The following NTRK3 variants were observed in gnomAD, a reference collection of about 807,000 sequenced individuals.
The protein encoded by NTRK3 is neurotrophic receptor tyrosine kinase 3.
Under a neutral mutation model 91.7 loss-of-function variants are expected in NTRK3, and 24 were observed. The observed-to-expected ratio is 0.26, with a 90% CI of 0.19 to 0.37. The LOEUF (loss-of-function observed/expected upper bound fraction) is 0.37. Among genes scored for constraint, NTRK3 ranks in the 10% least tolerant of loss-of-function variants. The probability of loss-of-function intolerance (pLI) is 1.00; values close to 1 mark genes in which losing one functional copy is unlikely to be tolerated. For synonymous variants in NTRK3, 483 were observed against 404.0 expected, an observed-to-expected ratio of 1.20 and a Z score of -2.34; for missense variants, 880 against 1,068.9, an observed-to-expected ratio of 0.82 and a Z score of 2.46.
intron 3 of NTRK3, among the ~76,000 whole-genome samples, chr15:88,206,967 GGCCCA>G (rs1191203854): frequency 6.6e-6 from 1 of 152,166 alleles, no homozygotes; most frequent in Non-Finnish European, 1.5e-5. Flanking sequence ...GGGACCCCCA[GGCCCA>G]GGCTTGGTCA....
At chr15:88,106,562 G>C (rs1416172785) in intron 13 of NTRK3, among the ~76,000 whole-genome samples, 1 of 152,186 alleles carries the variant, frequency 6.6e-6, no homozygotes, top group Non-Finnish European at 1.5e-5. Context: ...TTAAGAAAGA[G>C]TGTTGTGTGA....
chr15:87,940,129 C>A (rs1261987535), intron 15 of NTRK3, among the ~76,000 whole-genome samples: 1 of 151,956 alleles, frequency 6.6e-6, no homozygotes, highest in Admixed American at 6.6e-5. Flanking sequence ...CCAGTGCTAA[C>A]CCCCTACCTC....
chr15:87,957,722 T>C (rs950830973), intron 14 of NTRK3, among the ~76,000 whole-genome samples: 3 of 152,232 alleles, frequency 2.0e-5, no homozygotes, highest in Admixed American at 6.5e-5. Context: ...GTCTTTTTAC[T>C]GCTGCCTCTG....
intron 14 of NTRK3, among the ~76,000 whole-genome samples, chr15:87,965,996 T>A (rs995818089): frequency 1.3e-5 from 2 of 151,932 alleles, no homozygotes; most frequent in Non-Finnish European, 2.9e-5. Context: ...GAGAATCACT[T>A]AAGCCCAGGA....
intron 13 of NTRK3, among the ~76,000 whole-genome samples, chr15:88,086,789 T>A (rs1369945078): frequency 1.3e-5 from 2 of 152,216 alleles, no homozygotes; most frequent in Non-Finnish European, 2.9e-5. Context: ...AGAGGGATCC[T>A]CTCCTAGCCT....
At chr15:87,900,690 G>GGGGTGTGT (rs71462426) in intron 17 of NTRK3, among the ~76,000 whole-genome samples, 4 of 138,336 alleles carry the variant, frequency 2.9e-5, no homozygotes, top group African/African-American at 1.1e-4. Context: ...CTTTACAGAG[G>GGGGTGTGT]GTGTGTGTGT....
rs532355255 is a variant in NTRK3, at chr15:88,213,883, C to G, written c.249-29584G>C. 2.6e-5 allele frequency among the ~76,000 whole-genome samples: 4 copies of G among 151,860 alleles called. No individual in the cohort carries two copies. In the East Asian group the frequency reaches 5.8e-4, roughly 22 times the overall value. On this transcript the variant is annotated intron_variant, in intron 3 of 18. Coordinates refer to ENST00000394480, the Ensembl canonical transcript of NTRK3. ...TCACCTGAGGTCAGGAGTTCGAGAC[C>G]AGCCTGACAAACATTGTGAAACCCC...
chr15:88,173,551 G>GC (rs2045722418), intron 5 of NTRK3, among the ~76,000 whole-genome samples: 1 of 152,166 alleles, frequency 6.6e-6, no homozygotes, highest in Non-Finnish European at 1.5e-5. Context: ...TCTGTTAATG[G>GC]CCCTCCCCAG....
intron 17 of NTRK3, among the ~76,000 whole-genome samples, chr15:87,900,435 G>A (rs572289759): frequency 3.3e-5 from 5 of 152,316 alleles, no homozygotes; most frequent in Admixed American, 2.0e-4. Flanking sequence ...TCAGACTCAG[G>A]TCATCTGGGT....
chr15:88,085,799 C>T (rs149538562), intron 13 of NTRK3, among the ~76,000 whole-genome samples: 132 of 152,316 alleles, frequency 8.7e-4, no homozygotes, highest in South Asian at 8.5e-3. Context: ...CAAATCTCCT[C>T]GCCATGTGAT....
intron 3 of NTRK3, among the ~76,000 whole-genome samples, chr15:88,227,238 C>A (rs1200733467): frequency 6.6e-6 from 1 of 152,170 alleles, no homozygotes; most frequent in Non-Finnish European, 1.5e-5. Flanking sequence ...GCCCACATTT[C>A]CCTTAAAAAG....
exon 19 of NTRK3, chr15:87,876,773 CT>C (rs1002810081): frequency 2.4e-4 from 151 of 623,768 alleles, no homozygotes; most frequent in Middle Eastern, 4.6e-4. Context: ...TTTTTTCTTT[CT>C]TTTTTTTTCC....
chr15:88,251,841 C>T (rs961049070), intron 3 of NTRK3, among the ~76,000 whole-genome samples: 1 of 152,230 alleles, frequency 6.6e-6, no homozygotes, highest in African/African-American at 2.4e-5. Flanking sequence ...GCTTAGCCTT[C>T]CTGGGGCCAG....
At chr15:87,894,661 T>C (rs945105860) in intron 17 of NTRK3, among the ~76,000 whole-genome samples, 1 of 152,216 alleles carries the variant, frequency 6.6e-6, no homozygotes, top group Non-Finnish European at 1.5e-5. Context: ...CAGAATGATA[T>C]AGCCCTCCTT....
At chr15:87,872,348 T>G (rs1266572970) in exon 19 of NTRK3, 3 of 223,532 alleles carry the variant, frequency 1.3e-5, no homozygotes, top group African/African-American at 6.7e-5. Context: ...AGAAAGTCAT[T>G]AGTCATTCCT....
At chr15:88,152,520 G>A (rs778258736) in intron 5 of NTRK3, among the ~76,000 whole-genome samples, 1 of 152,146 alleles carries the variant, frequency 6.6e-6, no homozygotes, top group East Asian at 1.9e-4. Flanking sequence ...TACAAGTCAA[G>A]GAGAGAAGCC....
intron 17 of NTRK3, among the ~76,000 whole-genome samples, chr15:87,902,284 G>A (rs185247343): frequency 6.6e-6 from 1 of 152,300 alleles, no homozygotes; most frequent in Admixed American, 6.5e-5. Context: ...TGTAGAAATG[G>A]CACTGATAAT....
intron 13 of NTRK3, among the ~76,000 whole-genome samples, chr15:88,042,756 T>A (rs535613888): frequency 1.3e-5 from 2 of 152,264 alleles, no homozygotes; most frequent in African/African-American, 4.8e-5. Flanking sequence ...CCCTTAATCA[T>A]CACCACAACC....
At chr15:87,928,160 T>C (rs1343687492) in intron 17 of NTRK3, 5 of 142,584 alleles carry the variant, frequency 3.5e-5, no homozygotes, top group African/African-American at 1.3e-4. Context: ...TTGTATTTTT[T>C]AGTACAGACA....
Sources: gnomAD v4.1 joint callset for allele counts (sites outside exome capture counted in the v4.1 genomes callset) on GRCh38, gnomAD v4.1.1 for gene constraint, MANE v1.5 for transcripts, NCBI Gene and HGNC (gene_info 2026-07-23, HGNC 2026-07-21) for gene names.